VANGL1: variants seen among roughly 807,000 people sequenced by gnomAD.
The protein encoded by VANGL1 is vang-like protein 1.
Under a neutral mutation model 48.4 loss-of-function variants are expected in VANGL1, and 18 were observed. That is an observed-to-expected ratio of 0.37 (90% CI 0.26 to 0.55). The LOEUF (loss-of-function observed/expected upper bound fraction) is 0.55. Ranked by LOEUF, VANGL1 falls within the 20% of genes least tolerant of loss-of-function variation. The pLI, the probability that VANGL1 is intolerant of heterozygous loss-of-function variation, is 0.81. For synonymous variants in VANGL1, 257 were observed against 261.8 expected (o/e 0.98, Z 0.18); for missense variants, 667 against 675.8 (o/e 0.99, Z 0.14).
chr1:115,675,497 T>C (rs1653127807), intron 4 of VANGL1, among the ~76,000 whole-genome samples: 1 of 151,960 alleles, frequency 6.6e-6, no homozygotes, highest in African/African-American at 2.4e-5. Context: ...GGAGACTGTC[T>C]CAAAAATAAA....
rs777115896 is a variant in VANGL1 at position 115,664,007 on chromosome 1, T to C, written c.551T>C (p.Val184Ala). 6.2e-7 allele frequency: 1 copy of C among 1,614,224 alleles called. No individual in the cohort carries two copies. The highest frequency in any genetic ancestry group is 1.1e-5 in the South Asian group (1 of 91,076). The change falls in exon 4 of 8, where the codon GTG (valine) becomes GCG (alanine). Residue 184 changes from valine (V) to alanine (A), a missense_variant. Coordinates refer to ENST00000355485, the MANE Select transcript of VANGL1 (RefSeq NM_138959.3). Reference sequence around the variant, plus strand: ...AGAGCTGACATGCCACGGGTGTTTGTGTTTCGTGCCCTTTTGTTGGTCCTC... The same window carrying C: ...AGAGCTGACATGCCACGGGTGTTTGCGTTTCGTGCCCTTTTGTTGGTCCTC... ...KRRADMPRVFVFRALLLVLIF... is the reference protein window; with the variant it reads ...KRRADMPRVFAFRALLLVLIF...
At chr1:115,688,399 GTTA>G (rs1653716684) in intron 7 of VANGL1, among the ~76,000 whole-genome samples, 1 of 139,100 alleles carries the variant, frequency 7.2e-6, no homozygotes, top group Non-Finnish European at 1.6e-5. Flanking sequence ...GCCATGCCCT[GTTA>G]TTTATGTATC....
At chr1:115,665,115 C>G (rs73007438) in intron 4 of VANGL1, among the ~76,000 whole-genome samples, 12,651 of 152,196 alleles carry the variant, frequency 0.083, 540 homozygotes, top group East Asian at 0.15. Context: ...AGTGAATGCC[C>G]CCATAATGGC....
Position 115,688,497 on chromosome 1 carries a change from A to G in VANGL1, c.1315-2622A>G, listed in dbSNP as rs1238733348. On this transcript the variant is annotated intron_variant, in intron 7 of 7. Transcript: ENST00000355485. Reference sequence around the variant, plus strand: ...TGAAACGCTGAAAATATTTACATCTATGGAAAAGTTTGCCAACCCCTGGTT... The same window carrying G: ...TGAAACGCTGAAAATATTTACATCTGTGGAAAAGTTTGCCAACCCCTGGTT... Among the ~76,000 whole-genome samples, 6 of 138,922 alleles carry G rather than the reference A, an allele frequency of 4.3e-5. 2 individuals carry two copies. Among genetic ancestry groups the G allele is most frequent in the Non-Finnish European group, 3.2e-5 (2 of 63,476 alleles). 91.1% of individuals were successfully genotyped at this position (138,922 alleles called of 152,430 possible). A position where few individuals can be genotyped will look rare whatever the true frequency, so the allele number is the denominator to read the frequency against.
intron 4 of VANGL1, among the ~76,000 whole-genome samples, chr1:115,680,132 G>A (rs974344208): frequency 6.6e-6 from 1 of 152,090 alleles, no homozygotes; most frequent in African/African-American, 2.4e-5. Context: ...TGGACAGGGG[G>A]CAAGGACGGA....
rs549842222 is a variant in VANGL1, at chr1:115,691,298, A to G, written c.1494A>G (p.Pro498=). 3.0e-5 allele frequency: 49 copies of G among 1,614,140 alleles called. No homozygotes were observed. In the South Asian group the frequency reaches 4.9e-4, roughly 16 times the overall value. The part of the protein sequence containing the change: ...FSLVVNVKKI[P]FIILSEEFID... ...TCGTAGTCAATGTGAAGAAAATTCC[A>G]TTCATCATACTCTCTGAAGAGTTCA... Residue 498 remains proline, a synonymous_variant, in exon 8 of 8, where the codon CCA becomes CCG. Transcript: ENST00000355485.
rs942320807 is a variant in VANGL1, at chr1:115,693,112, A to T, written c.*1733A>T. 2.0e-5 allele frequency: 3 copies of T among 152,560 alleles called. No individual in the cohort carries two copies. The highest frequency in any genetic ancestry group is 7.2e-5 in the African/African-American group (3 of 41,448). 9.5% of individuals were successfully genotyped at this position (152,560 alleles called of 1,614,324 possible). On this transcript the variant is annotated 3_prime_UTR_variant, in exon 8 of 8. Coordinates refer to ENST00000355485, the MANE Select transcript of VANGL1 (RefSeq NM_138959.3). Reference sequence around the variant, plus strand: ...ACATGCTGGAGAAGAAGGAAGGGGGAACCCATAGGTGTGGCGTGGAGCCAA... The same window carrying T: ...ACATGCTGGAGAAGAAGGAAGGGGGTACCCATAGGTGTGGCGTGGAGCCAA...
At chr1:115,684,978 G>C (rs1457914025) in intron 6 of VANGL1, among the ~76,000 whole-genome samples, 1 of 152,164 alleles carries the variant, frequency 6.6e-6, no homozygotes, top group East Asian at 1.9e-4. Flanking sequence ...TCTAACCATT[G>C]CAGAGATGAA....
intron 1 of VANGL1, among the ~76,000 whole-genome samples, chr1:115,648,186 C>T (rs866206729): frequency 4.6e-5 from 7 of 152,190 alleles, no homozygotes; most frequent in African/African-American, 1.7e-4. Flanking sequence ...CTAGCATTGC[C>T]TAGCATGGTC....
chr1:115,669,940 G>A (rs909689642), intron 4 of VANGL1, among the ~76,000 whole-genome samples: 4 of 152,184 alleles, frequency 2.6e-5, no homozygotes, highest in Non-Finnish European at 5.9e-5. Flanking sequence ...TGGACTGAAT[G>A]TTTGTGGTCC....
intron 4 of VANGL1, among the ~76,000 whole-genome samples, chr1:115,680,221 C>T (rs1557773554): frequency 1.3e-5 from 2 of 152,090 alleles, no homozygotes; most frequent in East Asian, 3.9e-4. Flanking sequence ...GAAGAGCTCT[C>T]GTGACACACA....
chr1:115,686,953 T>C (rs1366839227), intron 7 of VANGL1, among the ~76,000 whole-genome samples: 1 of 139,960 alleles, frequency 7.1e-6, no homozygotes, highest in African/African-American at 2.7e-5. Flanking sequence ...GTAAATCGCA[T>C]GGTAGAGAGT....
intron 4 of VANGL1, among the ~76,000 whole-genome samples, chr1:115,669,173 A>G (rs1041264642): frequency 6.6e-6 from 1 of 152,254 alleles, no homozygotes; most frequent in African/African-American, 2.4e-5. Context: ...ATGAAAAATG[A>G]TAGCTGATAG....
intron 1 of VANGL1, among the ~76,000 whole-genome samples, chr1:115,649,645 A>C (rs1652073253): frequency 6.6e-6 from 1 of 152,206 alleles, no homozygotes; most frequent in Non-Finnish European, 1.5e-5. Context: ...CTTCACGGCA[A>C]CCCTGATATT....
rs1654015731 is a variant in VANGL1 at position 115,695,990 on chromosome 1, T to C, written c.*4611T>C. The C allele has an allele frequency of 6.6e-6, 1 of 152,212 alleles. No individual in the cohort carries two copies. The highest frequency in any genetic ancestry group is 1.5e-5 in the Non-Finnish European group (1 of 68,036). The allele number at this position is 152,212 out of a possible 1,614,324, so 9.4% of individuals were successfully genotyped here. A position where few individuals can be genotyped will look rare whatever the true frequency, so the allele number is the denominator to read the frequency against. On this transcript the variant is annotated 3_prime_UTR_variant, in exon 8 of 8. Transcript: ENST00000355485. ...CTTGTCCCTTGGAAAGCTTCTCCACTATGCTAGCAAATATCTTAGGATATT... is the reference window on the plus strand; with the variant it reads ...CTTGTCCCTTGGAAAGCTTCTCCACCATGCTAGCAAATATCTTAGGATATT...
chr1:115,660,557 C>T (rs548889987), intron 3 of VANGL1, among the ~76,000 whole-genome samples: 1 of 152,276 alleles, frequency 6.6e-6, no homozygotes, highest in African/African-American at 2.4e-5. Context: ...TGTCTGGCAG[C>T]CCACCTGATT....
chr1:115,653,058 T>G (rs1652211984), intron 2 of VANGL1, among the ~76,000 whole-genome samples: 1 of 152,278 alleles, frequency 6.6e-6, no homozygotes, highest in Admixed American at 6.5e-5. Flanking sequence ...TATGCTGTGA[T>G]AGTTACATAG....
intron 4 of VANGL1, among the ~76,000 whole-genome samples, chr1:115,667,044 A>C (rs1652819334): frequency 6.6e-6 from 1 of 152,204 alleles, no homozygotes; most frequent in Non-Finnish European, 1.5e-5. Flanking sequence ...AGGGAGCGGG[A>C]ATAGACAAAG....
At position 115,695,724 on chromosome 1, in the gene VANGL1, T is replaced by C. The variant is rs748846675; in HGVS notation, c.*4345T>C. 2.6e-5 allele frequency: 4 copies of C among 152,170 alleles called. No individual in the cohort carries two copies. Among genetic ancestry groups the C allele is most frequent in the Non-Finnish European group, 5.9e-5 (4 of 68,012 alleles). 9.4% of individuals were successfully genotyped at this position (152,170 alleles called of 1,614,324 possible). ...TTCAAGATAGGAGTCATCTTGGTTTTTCGGGTGAAAAACGGAAGGTCAGAG... is the reference window on the plus strand; with the variant it reads ...TTCAAGATAGGAGTCATCTTGGTTTCTCGGGTGAAAAACGGAAGGTCAGAG... On this transcript the variant is annotated 3_prime_UTR_variant, in exon 8 of 8. Coordinates refer to ENST00000355485, the MANE Select transcript of VANGL1 (RefSeq NM_138959.3).
Sources: allele counts gnomAD v4.1 joint callset (sites outside exome capture counted in the v4.1 genomes callset), GRCh38; gene constraint gnomAD v4.1.1; transcripts MANE v1.5; gene names NCBI Gene and HGNC (gene_info 2026-07-23, HGNC 2026-07-21).